The following AGMO variants were observed in gnomAD, a reference collection of about 807,000 sequenced individuals.
The protein encoded by AGMO is alkylglycerol monooxygenase.
AGMO carries 75 observed loss-of-function variants against 60.2 expected under a neutral mutation model. The ratio of observed to expected loss-of-function variants is 1.25; its 90% CI spans 1.03 to 1.51. The LOEUF (loss-of-function observed/expected upper bound fraction) is 1.51, where lower values mean the gene tolerates loss of function less well. AGMO is among the 40% of genes most tolerant of loss of function. The pLI, the probability that AGMO is intolerant of heterozygous loss-of-function variation, is 0.00. For missense variants in AGMO, 763 were observed against 525.5 expected, an observed-to-expected ratio of 1.45 and a Z score of -4.42; for synonymous variants, 261 against 177.1, an observed-to-expected ratio of 1.47 and a Z score of -3.76.
At chr7:15,165,299 A>ATT in the AGMO span, among the ~76,000 whole-genome samples, 1 of 152,076 alleles carries the variant, frequency 6.6e-6, no homozygotes, top group Non-Finnish European at 1.5e-5. Flanking sequence ...TATTCAGGTG[A>ATT]TGGGTACACT....
chr7:15,498,477 G>A lies in AGMO; in HGVS notation c.409+46295C>T, dbSNP rs191633726. 5.3e-5 allele frequency among the ~76,000 whole-genome samples: 8 copies of A among 152,060 alleles called. No homozygotes were observed. In the East Asian group the frequency reaches 1.5e-3, roughly 29 times the overall value. ...ACTTTTCCATGCTAACGTTTCTGCAGTTTGTTACAGATGAAAAATAGTTTC... is the reference window on the plus strand; with the variant it reads ...ACTTTTCCATGCTAACGTTTCTGCAATTTGTTACAGATGAAAAATAGTTTC... On this transcript the variant is annotated intron_variant, in intron 3 of 12. Coordinates refer to ENST00000342526, the MANE Select transcript of AGMO (RefSeq NM_001004320.2).
chr7:15,451,535 T>C (rs936049271), intron 3 of AGMO, among the ~76,000 whole-genome samples: 4 of 152,152 alleles, frequency 2.6e-5, no homozygotes, highest in African/African-American at 9.7e-5. Flanking sequence ...ACTGTATTCT[T>C]ACATGGTGGA....
chr7:15,382,111 C>A (rs1783718012), intron 10 of AGMO, among the ~76,000 whole-genome samples: 1 of 152,096 alleles, frequency 6.6e-6, no homozygotes, highest in Non-Finnish European at 1.5e-5. Context: ...CAACAAACCC[C>A]TCATGACACA....
intron 12 of AGMO, among the ~76,000 whole-genome samples, chr7:15,353,472 G>T (rs945731307): frequency 6.6e-6 from 1 of 152,034 alleles, no homozygotes; most frequent in Non-Finnish European, 1.5e-5. Flanking sequence ...ATCTACTCTT[G>T]GGGGGAATCC....
chr7:15,507,430 T>G (rs1165103663), intron 3 of AGMO, among the ~76,000 whole-genome samples: 4 of 151,946 alleles, frequency 2.6e-5, no homozygotes, highest in African/African-American at 9.7e-5. Flanking sequence ...TACCAAGAAT[T>G]CATAGGAATT....
intron 12 of AGMO, among the ~76,000 whole-genome samples, chr7:15,329,901 G>C (rs1467793447): frequency 1.3e-5 from 2 of 152,122 alleles, no homozygotes; most frequent in Admixed American, 6.5e-5. Context: ...GGTCTCTAAA[G>C]TTAACAGAGT....
chr7:15,300,002 T>C (rs946440311), intron 12 of AGMO, among the ~76,000 whole-genome samples: 1 of 151,984 alleles, frequency 6.6e-6, no homozygotes, highest in African/African-American at 2.4e-5. Flanking sequence ...TACTATTAAA[T>C]AGAAACTGAC....
At chr7:15,442,318 C>T (rs959417328) in intron 3 of AGMO, among the ~76,000 whole-genome samples, 5 of 152,118 alleles carry the variant, frequency 3.3e-5, no homozygotes, top group Non-Finnish European at 7.3e-5. Flanking sequence ...TTTCATGGTA[C>T]TCCTCAAATC....
At chr7:15,490,831 T>C (rs1292982426) in intron 3 of AGMO, among the ~76,000 whole-genome samples, 1 of 152,132 alleles carries the variant, frequency 6.6e-6, no homozygotes, top group African/African-American at 2.4e-5. Flanking sequence ...TTTGAGCTCA[T>C]CAGAAACTTA....
At chr7:15,550,399 A>G (rs2115295818) in intron 2 of AGMO, among the ~76,000 whole-genome samples, 1 of 152,284 alleles carries the variant, frequency 6.6e-6, no homozygotes, top group South Asian at 2.1e-4. Context: ...GAAAGGATCA[A>G]CAAAATTGAT....
chr7:15,161,687 GTA>G, the AGMO span, among the ~76,000 whole-genome samples: 1 of 150,678 alleles, frequency 6.6e-6, no homozygotes. Context: ...ATATGTATAT[GTA>G]TATATGTGTG....
intron 3 of AGMO, among the ~76,000 whole-genome samples, chr7:15,495,103 T>A (rs944444123): frequency 1.3e-5 from 2 of 152,236 alleles, no homozygotes; most frequent in Admixed American, 1.3e-4. Context: ...ACACATAATT[T>A]AATGTGTTAT....
chr7:15,319,581 G>A (rs975587435), intron 12 of AGMO, among the ~76,000 whole-genome samples: 2 of 152,056 alleles, frequency 1.3e-5, no homozygotes, highest in African/African-American at 4.8e-5. Context: ...TTTTGGCAAT[G>A]GTAATTTACA....
chr7:15,160,226 G>A, the AGMO span, among the ~76,000 whole-genome samples: 8 of 152,076 alleles, frequency 5.3e-5, no homozygotes, highest in African/African-American at 1.7e-4. Context: ...CTGACCTTCC[G>A]TCACTACTAT....
intron 3 of AGMO, among the ~76,000 whole-genome samples, chr7:15,447,224 A>T (rs1781723089): frequency 1.3e-5 from 2 of 152,200 alleles, no homozygotes; most frequent in African/African-American, 4.8e-5. Context: ...TGATCGACTT[A>T]ATGACATCTT....
intron 12 of AGMO, among the ~76,000 whole-genome samples, chr7:15,234,082 A>G (rs1022034434): frequency 6.8e-6 from 1 of 147,586 alleles, no homozygotes; most frequent in Non-Finnish European, 1.5e-5. Context: ...AATATTAGAG[A>G]AGAACAGGTC....
rs189492022 is a variant in AGMO at position 15,357,084 on chromosome 7, A to G, written c.1263+8430T>C. 3.8e-3 allele frequency among the ~76,000 whole-genome samples: 574 copies of G among 151,780 alleles called. 3 individuals are homozygous for G. The highest frequency in any genetic ancestry group is 6.8e-3 in the Middle Eastern group (2 of 294). ...GGATGCAGTGAGCCAAGATTGCACC[A>G]TTGCACAGAAGCGAGACTCTGTCTC... On this transcript the variant is annotated intron_variant, in intron 12 of 12. Transcript: ENST00000342526.
chr7:15,358,181 G>T (rs778857508), intron 12 of AGMO: 1 of 190,002 alleles, frequency 5.3e-6, no homozygotes, highest in Non-Finnish European at 1.1e-5. Context: ...GTGTTCTTCT[G>T]AAGTTTGGCA....
intron 12 of AGMO, among the ~76,000 whole-genome samples, chr7:15,362,909 A>T (rs1782820843): frequency 6.6e-6 from 1 of 152,210 alleles, no homozygotes; most frequent in Non-Finnish European, 1.5e-5. Context: ...ATGTACCTTG[A>T]TCATTAAGAG....
Sources: allele counts gnomAD v4.1 joint callset (sites outside exome capture counted in the v4.1 genomes callset), GRCh38; gene constraint gnomAD v4.1.1; transcripts MANE v1.5; gene names NCBI Gene and HGNC (gene_info 2026-07-23, HGNC 2026-07-21).